CNOT7: variants seen among roughly 807,000 people sequenced by gnomAD.
CNOT7 encodes the protein CCR4-NOT transcription complex subunit 7.
In CNOT7, 4 loss-of-function variants were observed where a neutral mutation model predicts 37.1. The observed-to-expected ratio is 0.11, with a 90% CI of 0.05 to 0.25. CNOT7 has a LOEUF of 0.25. Ranked by LOEUF, CNOT7 falls within the 10% of genes least tolerant of loss-of-function variation. CNOT7 has a pLI of 1.00. For synonymous variants in CNOT7, 128 were observed against 115.6 expected (o/e 1.11, Z -0.69); for missense variants, 170 against 336.2 (o/e 0.51, Z 3.87).
chr8:17,236,724 G>C (rs1327832384), intron 4 of CNOT7, among the ~76,000 whole-genome samples: 1 of 151,990 alleles, frequency 6.6e-6, no homozygotes, highest in Admixed American at 6.6e-5. Context: ...AAAACTGTCT[G>C]CCCACCCCCA....
At chr8:17,241,051 G>C (rs768890678) in intron 3 of CNOT7, among the ~76,000 whole-genome samples, 1 of 152,172 alleles carries the variant, frequency 6.6e-6, no homozygotes, top group Non-Finnish European at 1.5e-5. Flanking sequence ...AGGTTCTGTA[G>C]ACTGTGCGTG....
chr8:17,226,601 A>G lies in CNOT7; in HGVS notation c.*4119T>C, dbSNP rs1488103642. 6.6e-6 allele frequency: 1 copy of G among 151,766 alleles called. No individual in the cohort carries two copies. The highest frequency in any genetic ancestry group is 1.5e-5 in the Non-Finnish European group (1 of 67,726). The allele number at this position is 151,766 out of a possible 1,614,324, so 9.4% of individuals were successfully genotyped here. ...GCAGTTAAATGCTTTTAAAATTTAA[A>G]AATTTTCTTTGCACTGCATCAAGGT... On this transcript the variant is annotated 3_prime_UTR_variant, in exon 7 of 7. Transcript: ENST00000361272.
intron 3 of CNOT7, 70 bp downstream of exon 3, chr8:17,242,922 A>T: frequency 9.5e-7 from 1 of 1,053,666 alleles, no homozygotes; most frequent in Non-Finnish European, 1.4e-6. Flanking sequence ...ACCATACTTG[A>T]GGAAAATCAA....
intron 3 of CNOT7, among the ~76,000 whole-genome samples, chr8:17,238,442 G>A (rs1376218403): frequency 6.6e-6 from 1 of 150,480 alleles, no homozygotes; most frequent in Admixed American, 6.6e-5. Flanking sequence ...CAACAATCAC[G>A]TAAAAGTCAG....
chr8:17,238,217 AGTGTTTT>A (rs1158220435), intron 3 of CNOT7, among the ~76,000 whole-genome samples: 1 of 152,198 alleles, frequency 6.6e-6, no homozygotes, highest in African/African-American at 2.4e-5. Context: ...TACGTGAAAA[AGTGTTTT>A]TTTATTTACT....
At position 17,245,030 on chromosome 8, in the gene CNOT7, G is replaced by A. The variant is rs959574445; in HGVS notation, c.117+6C>T. ...AAGCGTTTTAAAGATCTGCTTGTGG[G>A]CATACCATAGCAACGTAATTATATT... On this transcript the variant is annotated splice_donor_region_variant and intron_variant, in intron 2 of 6. Coordinates refer to ENST00000361272, the MANE Select transcript of CNOT7 (RefSeq NM_013354.7). The A allele has an allele frequency of 8.1e-6, 13 of 1,605,464 alleles. No homozygotes were observed. The highest frequency in any genetic ancestry group is 1.1e-5 in the Non-Finnish European group (13 of 1,173,150).
chr8:17,230,175 T>C lies in CNOT7; in HGVS notation c.*545A>G, dbSNP rs1808444272. On this transcript the variant is annotated 3_prime_UTR_variant, in exon 7 of 7. Transcript: ENST00000361272. ...TCGACAGTTTGCACAACGTGCTATATTCTGTGGGTCAAAACCAAGTAAATA... is the reference window on the plus strand; with the variant it reads ...TCGACAGTTTGCACAACGTGCTATACTCTGTGGGTCAAAACCAAGTAAATA... 1 of 152,550 alleles carries C rather than the reference T, an allele frequency of 6.6e-6. No homozygotes were observed. Among genetic ancestry groups the C allele is most frequent in the African/African-American group, 2.4e-5 (1 of 41,456 alleles). The allele number at this position is 152,550 out of a possible 1,614,324, so 9.4% of individuals were successfully genotyped here.
chr8:17,240,627 T>TG (rs1810033640), intron 3 of CNOT7, among the ~76,000 whole-genome samples: 1 of 152,190 alleles, frequency 6.6e-6, no homozygotes, highest in African/African-American at 2.4e-5. Context: ...GAGAAGCTGA[T>TG]GGGTTACCTC....
intron 4 of CNOT7, 34 bp from the exon 5 acceptor site, chr8:17,234,894 C>T: frequency 1.3e-6 from 2 of 1,574,968 alleles, no homozygotes; most frequent in Non-Finnish European, 1.7e-6. Flanking sequence ...AGAAGAGGGA[C>T]ATATAAATAC....
intron 5 of CNOT7, 113 bp from the exon 6 acceptor site, chr8:17,232,650 TG>T (rs1808782643): frequency 5.9e-6 from 5 of 846,898 alleles, no homozygotes; most frequent in Non-Finnish European, 9.3e-6. Context: ...TATGTAAAGG[TG>T]AATCTTATAA....
chr8:17,234,761 G>C lies in CNOT7; in HGVS notation c.573C>G (p.Val191=). Reference sequence around the variant, plus strand: ...TCATGAGGTACTTCACATCATAAATGACAGGAAAAAACAATCGAAGGATCT... The same window carrying C: ...TCATGAGGTACTTCACATCATAAATCACAGGAAAAAACAATCGAAGGATCT... ...FFEILRLFFP[V]IYDVKYLMKS... The change falls in exon 5 of 7, where the codon GTC becomes GTG. Residue 191 remains valine (V), a synonymous_variant. Transcript: ENST00000361272. The C allele has an allele frequency of 6.2e-7, 1 of 1,613,922 alleles. No individual in the cohort carries two copies. The highest frequency in any genetic ancestry group is 1.1e-5 in the South Asian group (1 of 91,060).
In CNOT7 at chr8:17,237,268, A is replaced by T. The variant is rs1198213793; in HGVS notation, c.417T>A (p.Leu139=). The T allele has an allele frequency of 3.7e-6, 6 of 1,614,090 alleles. No individual in the cohort carries two copies. Among genetic ancestry groups the T allele is most frequent in the Non-Finnish European group, 4.2e-6 (5 of 1,179,962 alleles). ...AGAGGACCACTCCAGAAGTCATAAG[A>T]AGTTCTGCAAAGTACTGGGTTTCAA... ...EGIETQYFAE[L]LMTSGVVLCE... is the part of the protein sequence containing the mutation. The change falls in exon 4 of 7, where the codon CTT becomes CTA. Residue 139 remains leucine (L), a synonymous_variant. Coordinates refer to ENST00000361272, the MANE Select transcript of CNOT7 (RefSeq NM_013354.7).
At chr8:17,232,740 C>A (rs533681026) in intron 5 of CNOT7, among the ~76,000 whole-genome samples, 6 of 152,116 alleles carry the variant, frequency 3.9e-5, no homozygotes, top group African/African-American at 7.2e-5. Flanking sequence ...TAATAGAAAA[C>A]AAGATCCTAA....
intron 2 of CNOT7, 76 bp downstream of exon 2, chr8:17,244,960 G>A (rs1194587810): frequency 1.7e-5 from 20 of 1,179,034 alleles, no homozygotes; most frequent in Non-Finnish European, 2.4e-5. Flanking sequence ...TCAACCAAAA[G>A]GGTTGAATTC....
chr8:17,234,568 G>GA (rs892270656), intron 5 of CNOT7, 148 bp downstream of exon 5: 84 of 838,594 alleles, frequency 1.0e-4, no homozygotes, highest in Middle Eastern at 2.3e-4. Context: ...ATGTATGCAA[G>GA]AAAAAAAATC....
Position 17,245,006 on chromosome 8 carries a change from A to G in CNOT7, c.117+30T>C, listed in dbSNP as rs527875297. The G allele has an allele frequency of 9.9e-6, 15 of 1,519,066 alleles. No individual in the cohort carries two copies. The East Asian group carries it at 3.2e-4, about 32-fold the overall frequency. 94.1% of individuals were successfully genotyped at this position (1,519,066 alleles called of 1,614,324 possible). A position where few individuals can be genotyped will look rare whatever the true frequency, so the allele number is the denominator to read the frequency against. On this transcript the variant is annotated intron_variant, in intron 2 of 6. Transcript: ENST00000361272. ...AATTTCCTTTTCCTCCTTTATATGAAGCGTTTTAAAGATCTGCTTGTGGGC... is the reference window on the plus strand; with the variant it reads ...AATTTCCTTTTCCTCCTTTATATGAGGCGTTTTAAAGATCTGCTTGTGGGC...
rs74718964 is a variant in CNOT7 at position 17,243,610 on chromosome 8, C to T, written c.118-425G>A. On this transcript the variant is annotated intron_variant, in intron 2 of 6. Coordinates refer to ENST00000361272, the MANE Select transcript of CNOT7 (RefSeq NM_013354.7). ...TGCTTCTCTGACACAAGGTTTTTCT[C>T]AACACCAAAACCCTAAGAAAAACAT... The T allele has an allele frequency of 5.3e-3, 2,446 of 457,634 alleles. 55 individuals carry two copies. The highest frequency in any genetic ancestry group is 0.046 in the African/African-American group (2,294 of 50,228). 28.3% of individuals were successfully genotyped at this position (457,634 alleles called of 1,614,324 possible).
Position 17,245,259 on chromosome 8 carries a change from A to G in CNOT7, c.-95-12T>C. On this transcript the variant is annotated splice_polypyrimidine_tract_variant and intron_variant, in intron 1 of 6. Coordinates refer to ENST00000361272, the MANE Select transcript of CNOT7 (RefSeq NM_013354.7). Reference sequence around the variant, plus strand: ...CTTTATTTATGTACCTGTCAAAATAAAAAAACAATATGAAGACCAGATATA... The same window carrying G: ...CTTTATTTATGTACCTGTCAAAATAGAAAAACAATATGAAGACCAGATATA... The G allele has an allele frequency of 8.4e-7, 1 of 1,191,982 alleles. No homozygotes were observed. The highest frequency in any genetic ancestry group is 1.8e-5 in the South Asian group (1 of 54,556). 73.8% of individuals were successfully genotyped at this position (1,191,982 alleles called of 1,614,324 possible).
rs2904687 is a variant in CNOT7 at position 17,225,748 on chromosome 8, A to C, written c.*4972T>G. On this transcript the variant is annotated 3_prime_UTR_variant, in exon 7 of 7. Coordinates refer to ENST00000361272, the MANE Select transcript of CNOT7 (RefSeq NM_013354.7). The stretch of plus-strand genomic sequence containing the variant: ...AAATGACAGGTAACGTTGTTATAAA[A>C]GAAACTCTCATATAAATTACACCAA... 8 of 151,716 alleles carry C rather than the reference A, an allele frequency of 5.3e-5. No homozygotes were observed. In the South Asian group the frequency reaches 1.7e-3, roughly 31 times the overall value. 9.4% of individuals were successfully genotyped at this position (151,716 alleles called of 1,614,324 possible).
Sources: allele counts gnomAD v4.1 joint callset (sites outside exome capture counted in the v4.1 genomes callset), GRCh38; gene constraint gnomAD v4.1.1; transcripts MANE v1.5; gene names NCBI Gene and HGNC (gene_info 2026-07-23, HGNC 2026-07-21).